The following KCNH8 variants were observed in gnomAD, a reference collection of about 807,000 sequenced individuals.
The protein encoded by KCNH8 is potassium voltage-gated channel subfamily H member 8, also known as voltage-gated delayed rectifier potassium channel KCNH8.
Under a neutral mutation model 103.6 loss-of-function variants are expected in KCNH8, and 70 were observed. That is an observed-to-expected ratio of 0.68 (90% CI 0.56 to 0.82). KCNH8 has a LOEUF of 0.82. Among genes scored for constraint, KCNH8 ranks in the 40% least tolerant of loss-of-function variants. The probability of loss-of-function intolerance (pLI) is 0.00; values close to 1 mark genes in which losing one functional copy is unlikely to be tolerated. For synonymous variants in KCNH8, 498 were observed against 489.4 expected (o/e 1.02, Z -0.23); for missense variants, 1,217 against 1,329.9 (o/e 0.92, Z 1.32).
intron 7 of KCNH8, among the ~76,000 whole-genome samples, chr3:19,421,043 G>A (rs996693339): frequency 2.0e-5 from 3 of 152,114 alleles, no homozygotes; most frequent in African/African-American, 7.2e-5. Flanking sequence ...CATTGTCACT[G>A]CCAAGTTATA....
At chr3:19,203,481 C>T (rs115532587) in intron 1 of KCNH8, among the ~76,000 whole-genome samples, 3,831 of 151,976 alleles carry the variant, frequency 0.025, 158 homozygotes, top group African/African-American at 0.086. Context: ...TACCAGACAA[C>T]TCAGAGAAAA....
At chr3:19,299,262 G>A (rs2065034119) in intron 3 of KCNH8, among the ~76,000 whole-genome samples, 1 of 151,548 alleles carries the variant, frequency 6.6e-6, no homozygotes, top group Non-Finnish European at 1.5e-5. Flanking sequence ...TAATGCATGT[G>A]GAATATGGAG....
chr3:19,153,324 G>C (rs1025556327), intron 1 of KCNH8, among the ~76,000 whole-genome samples: 1 of 152,158 alleles, frequency 6.6e-6, no homozygotes. Context: ...TTATTATATA[G>C]AGAAAATGGA....
chr3:19,249,664 A>G (rs2064251344), intron 1 of KCNH8, among the ~76,000 whole-genome samples: 1 of 152,200 alleles, frequency 6.6e-6, no homozygotes, highest in Non-Finnish European at 1.5e-5. Flanking sequence ...AAATGAAGCA[A>G]GTAACTAAGA....
chr3:19,481,887 G>C (rs2068093150), intron 11 of KCNH8, among the ~76,000 whole-genome samples: 3 of 152,166 alleles, frequency 2.0e-5, no homozygotes, highest in Admixed American at 2.0e-4. Context: ...CAGACATTCT[G>C]TTCTTAACTT....
At chr3:19,460,396 A>G (rs1559337664) in intron 11 of KCNH8, among the ~76,000 whole-genome samples, 2 of 152,026 alleles carry the variant, frequency 1.3e-5, no homozygotes, top group South Asian at 2.1e-4. Context: ...TTAGAGTACT[A>G]CCCCTTGCTG....
In KCNH8 at chr3:19,419,199, T is replaced by C. The variant is rs1200632271; in HGVS notation, c.1178-18965T>C. 3.7e-4 allele frequency among the ~76,000 whole-genome samples: 50 copies of C among 133,746 alleles called. 2 individuals carry two copies. Among genetic ancestry groups the C allele is most frequent in the Non-Finnish European group, 6.5e-4 (41 of 63,348 alleles). The allele number at this position is 133,746 out of a possible 152,430, so 87.7% of individuals were successfully genotyped here. On this transcript the variant is annotated intron_variant, in intron 7 of 15. Transcript: ENST00000328405. Reference sequence around the variant, plus strand: ...GAAGTAATTAAAATGGTTTTGGTTTTTTTTTTTTTTTTTTTTTTGAGACGG... The same window carrying C: ...GAAGTAATTAAAATGGTTTTGGTTTCTTTTTTTTTTTTTTTTTTGAGACGG...
At chr3:19,278,864 A>C (rs529583494) in intron 2 of KCNH8, among the ~76,000 whole-genome samples, 105 of 152,308 alleles carry the variant, frequency 6.9e-4, no homozygotes, top group South Asian at 4.4e-3. Context: ...ATATTGCCAT[A>C]TCAACAGCTG....
intron 1 of KCNH8, among the ~76,000 whole-genome samples, chr3:19,250,682 A>G (rs1397638193): frequency 6.6e-6 from 1 of 152,086 alleles, no homozygotes; most frequent in African/African-American, 2.4e-5. Context: ...TTCCAACCTA[A>G]CCATTTCAAA....
intron 1 of KCNH8, among the ~76,000 whole-genome samples, chr3:19,155,658 C>G (rs1461434673): frequency 3.9e-5 from 6 of 152,158 alleles, no homozygotes; most frequent in African/African-American, 9.7e-5. Context: ...ATTCCCTGCT[C>G]TTTCATGGTT....
chr3:19,199,188 G>T (rs1037117581), intron 1 of KCNH8, among the ~76,000 whole-genome samples: 1 of 152,050 alleles, frequency 6.6e-6, no homozygotes, highest in Admixed American at 6.6e-5. Flanking sequence ...AGTTATTTGT[G>T]ACTAATCACG....
intron 3 of KCNH8, among the ~76,000 whole-genome samples, chr3:19,314,317 A>G (rs1297096894): frequency 6.6e-6 from 1 of 151,982 alleles, no homozygotes; most frequent in Non-Finnish European, 1.5e-5. Context: ...CCAGCACTGT[A>G]ATCTCAGCAC....
At chr3:19,484,006 C>T (rs991921031) in intron 11 of KCNH8, among the ~76,000 whole-genome samples, 1 of 151,780 alleles carries the variant, frequency 6.6e-6, no homozygotes, top group Non-Finnish European at 1.5e-5. Flanking sequence ...GTCATATAGT[C>T]TTTTTTTTAA....
intron 5 of KCNH8, among the ~76,000 whole-genome samples, chr3:19,388,246 G>A (rs1376020018): frequency 1.3e-5 from 2 of 151,896 alleles, no homozygotes; most frequent in African/African-American, 4.8e-5. Flanking sequence ...AACAACTCTG[G>A]GTTTTCTTAC....
At chr3:19,255,266 A>G (rs1217024398) in intron 2 of KCNH8, among the ~76,000 whole-genome samples, 3 of 152,170 alleles carry the variant, frequency 2.0e-5, no homozygotes, top group Non-Finnish European at 4.4e-5. Context: ...ATAAATTTCT[A>G]TCGTTTAAGC....
At chr3:19,528,366 A>G (rs922474546) in intron 15 of KCNH8, among the ~76,000 whole-genome samples, 1 of 152,064 alleles carries the variant, frequency 6.6e-6, no homozygotes, top group Non-Finnish European at 1.5e-5. Flanking sequence ...AATTTCCCAG[A>G]GAATTAAAAC....
At chr3:19,299,320 T>G (rs1041231829) in intron 3 of KCNH8, among the ~76,000 whole-genome samples, 8 of 152,022 alleles carry the variant, frequency 5.3e-5, no homozygotes, top group African/African-American at 1.9e-4. Context: ...ACACAGTGTC[T>G]GATGTGCTCC....
chr3:19,270,419 A>G (rs898891901), intron 2 of KCNH8, among the ~76,000 whole-genome samples: 49 of 152,158 alleles, frequency 3.2e-4, no homozygotes, highest in Non-Finnish European at 1.0e-4. Context: ...AAATGCCTGT[A>G]ATCATATGGG....
At chr3:19,363,119 G>T (rs1277292897) in intron 5 of KCNH8, among the ~76,000 whole-genome samples, 1 of 152,060 alleles carries the variant, frequency 6.6e-6, no homozygotes, top group Non-Finnish European at 1.5e-5. Context: ...AGGAGCGGAG[G>T]CTTTTTCAGG....
Sources: gnomAD v4.1 joint callset for allele counts (sites outside exome capture counted in the v4.1 genomes callset) on GRCh38, gnomAD v4.1.1 for gene constraint, MANE v1.5 for transcripts, NCBI Gene and HGNC (gene_info 2026-07-23, HGNC 2026-07-21) for gene names.